Variants in HAPLN1 observed in about 807,000 individuals in gnomAD.
The protein encoded by HAPLN1 is Cartilage link protein.
Under a neutral mutation model 36.5 loss-of-function variants are expected in HAPLN1, and 13 were observed. That is an observed-to-expected ratio of 0.36 (90% CI 0.23 to 0.57). The LOEUF is 0.57. HAPLN1 is among the 20% of genes least tolerant of loss of function. HAPLN1 has a pLI of 0.83. For synonymous variants in HAPLN1, 202 were observed against 169.8 expected (o/e 1.19, Z -1.48); for missense variants, 407 against 439.7 (o/e 0.93, Z 0.66).
chr5:83,675,209 T>C (rs759033323), intron 1 of HAPLN1: 3 of 152,176 alleles, frequency 2.0e-5, no homozygotes, highest in African/African-American at 7.2e-5. Context: ...GGTGAACAAA[T>C]ATAAAGGTGG....
At chr5:83,695,466 A>G (rs1751370697) in intron 1 of HAPLN1, among the ~76,000 whole-genome samples, 1 of 151,800 alleles carries the variant, frequency 6.6e-6, no homozygotes, top group Admixed American at 6.6e-5. Context: ...AGACACAACA[A>G]TCAATCGATT....
chr5:83,641,333 C>T lies in HAPLN1; in HGVS notation c.*163G>A. 1 of 506,914 alleles carries T rather than the reference C, an allele frequency of 2.0e-6. No homozygotes were observed. The highest frequency in any genetic ancestry group is 3.4e-5 in the Admixed American group (1 of 29,832). 31.4% of individuals were successfully genotyped at this position (506,914 alleles called of 1,614,324 possible). A position where few individuals can be genotyped will look rare whatever the true frequency, so the allele number is the denominator to read the frequency against. ...TAATATATATTGAATGATAGCTTTA[C>T]AAAAAACAAATCAATGAATTGATCT... On this transcript the variant is annotated 3_prime_UTR_variant, in exon 5 of 5. Transcript: ENST00000274341.
At chr5:83,651,239 C>T (rs1470366482) in intron 3 of HAPLN1, among the ~76,000 whole-genome samples, 1 of 152,150 alleles carries the variant, frequency 6.6e-6, no homozygotes, top group African/African-American at 2.4e-5. Flanking sequence ...AAAACTGATA[C>T]TGGCAGAGCT....
At chr5:83,716,760 G>T (rs1751920959) in intron 1 of HAPLN1, among the ~76,000 whole-genome samples, 1 of 152,202 alleles carries the variant, frequency 6.6e-6, no homozygotes, top group Non-Finnish European at 1.5e-5. Flanking sequence ...GGCTGGGCAT[G>T]GTAGCTCATG....
At chr5:83,669,037 T>C (rs73769332) in intron 2 of HAPLN1, among the ~76,000 whole-genome samples, 3,724 of 152,350 alleles carry the variant, frequency 0.024, 152 homozygotes, top group African/African-American at 0.084. Context: ...CTTTTACTTA[T>C]TAAATAGAAG....
chr5:83,661,533 C>T (rs1167001523), intron 2 of HAPLN1, among the ~76,000 whole-genome samples: 1 of 149,794 alleles, frequency 6.7e-6, no homozygotes, highest in African/African-American at 2.5e-5. Flanking sequence ...CAAGCTCTGC[C>T]TCCCGGGTTC....
At chr5:83,667,340 T>C (rs1278783580) in intron 2 of HAPLN1, among the ~76,000 whole-genome samples, 1 of 152,192 alleles carries the variant, frequency 6.6e-6, no homozygotes, top group Non-Finnish European at 1.5e-5. Flanking sequence ...TCATGCCCTC[T>C]TGTAAATTGA....
In HAPLN1 at chr5:83,685,277, C is replaced by A. The variant is rs565305564; in HGVS notation, c.-26-11728G>T. ...CTATGTTTACTACTATGTCCTCTGA[C>A]ACACTGTAGAAGCTCAGGGATGCTA... On this transcript the variant is annotated intron_variant, in intron 1 of 4. Coordinates refer to ENST00000274341, the MANE Select transcript of HAPLN1 (RefSeq NM_001884.4). Among the ~76,000 whole-genome samples, 152 of 152,312 alleles carry A rather than the reference C, an allele frequency of 1.0e-3. 2 individuals are homozygous for A. The highest frequency in any genetic ancestry group is 3.5e-3 in the African/African-American group (147 of 41,570).
chr5:83,691,038 A>G (rs1173425682), intron 1 of HAPLN1, among the ~76,000 whole-genome samples: 1 of 152,096 alleles, frequency 6.6e-6, no homozygotes. Flanking sequence ...CAAAATACAG[A>G]AAAAACCAGA....
intron 1 of HAPLN1, among the ~76,000 whole-genome samples, chr5:83,714,640 A>T (rs955533043): frequency 6.6e-6 from 1 of 152,164 alleles, no homozygotes; most frequent in African/African-American, 2.4e-5. Flanking sequence ...TTTCAACATG[A>T]TGGCTGATTC....
intron 2 of HAPLN1, among the ~76,000 whole-genome samples, chr5:83,666,269 A>C (rs1174420811): frequency 6.6e-6 from 1 of 152,164 alleles, no homozygotes; most frequent in African/African-American, 2.4e-5. Context: ...GAGAATCAAC[A>C]TGTTGAAATC....
At chr5:83,712,724 A>G (rs1751821029) in intron 1 of HAPLN1, among the ~76,000 whole-genome samples, 1 of 152,160 alleles carries the variant, frequency 6.6e-6, no homozygotes, top group Admixed American at 6.5e-5. Context: ...AAAAAAATAC[A>G]GAATATCCAG....
chr5:83,704,800 A>C (rs1353281170), intron 1 of HAPLN1, among the ~76,000 whole-genome samples: 1 of 152,216 alleles, frequency 6.6e-6, no homozygotes, highest in Non-Finnish European at 1.5e-5. Context: ...CCAACATAGT[A>C]ATAGTGGGAC....
intron 1 of HAPLN1, among the ~76,000 whole-genome samples, chr5:83,676,022 A>T (rs1017356511): frequency 3.3e-5 from 5 of 152,226 alleles, no homozygotes; most frequent in Admixed American, 3.3e-4. Flanking sequence ...GAATATAAAC[A>T]TTTTTCCCAA....
chr5:83,654,322 A>G (rs1385856353), intron 2 of HAPLN1, among the ~76,000 whole-genome samples: 1 of 152,240 alleles, frequency 6.6e-6, no homozygotes, highest in Admixed American at 6.5e-5. Context: ...TACTTAGTTA[A>G]GAGGAATCAC....
Position 83,651,572 on chromosome 5 carries a change from C to T in HAPLN1, c.472+881G>A, listed in dbSNP as rs560576866. Among the ~76,000 whole-genome samples the T allele has an allele frequency of 3.6e-4, 9 of 24,668 alleles. 1 individual carries two copies. The South Asian group carries it at 0.012, about 32-fold the overall frequency. The allele number at this position is 24,668 out of a possible 152,430, so 16.2% of individuals were successfully genotyped here. On this transcript the variant is annotated intron_variant, in intron 3 of 4. Coordinates refer to ENST00000274341, the MANE Select transcript of HAPLN1 (RefSeq NM_001884.4). ...ATATGTGATAGGATTGTATGGGATT[C>T]AAAAGGTCAAATAGTGACACAAATC...
chr5:83,653,812 C>T (rs571863536), intron 2 of HAPLN1, among the ~76,000 whole-genome samples: 160 of 152,360 alleles, frequency 1.1e-3, no homozygotes, highest in Non-Finnish European at 2.0e-3. Context: ...TTGGCTTTCT[C>T]TGGGGTTTCC....
At chr5:83,645,115 G>A (rs34761292) in intron 3 of HAPLN1, among the ~76,000 whole-genome samples, 89,749 of 148,870 alleles carry the variant, frequency 0.6, 28,068 homozygotes, top group South Asian at 0.72. Flanking sequence ...TACTAAGAGC[G>A]GAGGGGATGT....
chr5:83,640,661 A>C lies in HAPLN1; in HGVS notation c.*835T>G, dbSNP rs923208023. The C allele has an allele frequency of 6.6e-6, 1 of 152,196 alleles. No individual in the cohort carries two copies. Among genetic ancestry groups the C allele is most frequent in the Admixed American group, 6.5e-5 (1 of 15,280 alleles). The allele number at this position is 152,196 out of a possible 1,614,324, so 9.4% of individuals were successfully genotyped here. A position where few individuals can be genotyped will look rare whatever the true frequency, so the allele number is the denominator to read the frequency against. ...AATTTTTCTGTCCAGCAGTTTATCT[A>C]TATAACTGCCCTGAGTAGATGCTAA... On this transcript the variant is annotated 3_prime_UTR_variant, in exon 5 of 5. Coordinates refer to ENST00000274341, the MANE Select transcript of HAPLN1 (RefSeq NM_001884.4).
Sources: allele counts gnomAD v4.1 joint callset (sites outside exome capture counted in the v4.1 genomes callset), GRCh38; gene constraint gnomAD v4.1.1; transcripts MANE v1.5; gene names NCBI Gene and HGNC (gene_info 2026-07-23, HGNC 2026-07-21).